Variants in RNF24 observed in about 807,000 individuals in gnomAD.
RNF24 encodes ring finger protein 24.
RNF24 carries 14 observed loss-of-function variants against 20.0 expected under a neutral mutation model. The observed-to-expected ratio is 0.70, with a 90% CI of 0.46 to 1.10. RNF24 has a LOEUF of 1.10. Among genes scored for constraint, RNF24 ranks in the 50% least tolerant of loss-of-function variants. RNF24 has a pLI of 0.00. For missense variants in RNF24, 124 were observed against 177.6 expected, an observed-to-expected ratio of 0.70 and a Z score of 1.71; for synonymous variants, 45 against 61.1, an observed-to-expected ratio of 0.74 and a Z score of 1.23.
intron 1 of RNF24, among the ~76,000 whole-genome samples, chr20:4,001,644 A>G (rs896222930): frequency 6.6e-6 from 1 of 152,164 alleles, no homozygotes; most frequent in Non-Finnish European, 1.5e-5. Context: ...GTCACCAAAG[A>G]ACAAAGTTTC....
intron 1 of RNF24, among the ~76,000 whole-genome samples, chr20:4,003,114 C>T (rs1462619915): frequency 2.0e-5 from 3 of 152,224 alleles, no homozygotes; most frequent in Non-Finnish European, 4.4e-5. Flanking sequence ...GGATTATAGG[C>T]GCCTGCCACG....
At chr20:4,004,778 T>C (rs1281941735) in intron 1 of RNF24, among the ~76,000 whole-genome samples, 1 of 152,188 alleles carries the variant, frequency 6.6e-6, no homozygotes, top group East Asian at 1.9e-4. Context: ...AAAGAACAAC[T>C]TTCTGTTGTT....
chr20:3,980,730 G>A (rs115811865), intron 1 of RNF24, among the ~76,000 whole-genome samples: 1,547 of 152,196 alleles, frequency 0.01, 17 homozygotes, highest in African/African-American at 0.035. Flanking sequence ...ATAAACTCAA[G>A]GCCTCTGGAC....
rs972794260 is a variant in RNF24 at position 3,932,411 on chromosome 20, A to G, written c.*1652T>C. 6.6e-6 allele frequency: 1 copy of G among 152,618 alleles called. No individual in the cohort carries two copies. The highest frequency in any genetic ancestry group is 1.5e-5 in the Non-Finnish European group (1 of 68,338). The allele number at this position is 152,618 out of a possible 1,614,324, so 9.5% of individuals were successfully genotyped here. On this transcript the variant is annotated 3_prime_UTR_variant, in exon 6 of 6. Transcript: ENST00000358395. ...TTGGCATACCACGAATAGGTCACAC[A>G]TAGGAAATGGCCTATTTTGACCAAC... is the stretch of plus-strand genomic sequence containing the variant.
At position 3,942,040 on chromosome 20, in the gene RNF24, C is replaced by T. The variant is rs558932750; in HGVS notation, c.228+3137G>A. Among the ~76,000 whole-genome samples the T allele has an allele frequency of 9.7e-4, 144 of 148,698 alleles. 1 individual carries two copies. The highest frequency in any genetic ancestry group is 3.5e-3 in the African/African-American group (139 of 40,106). On this transcript the variant is annotated intron_variant, in intron 4 of 5. Coordinates refer to ENST00000358395, the MANE Select transcript of RNF24 (RefSeq NM_001134337.3). Reference sequence around the variant, plus strand: ...AGTGAGCCAAGATTGTACCACTGCACTCCAGCCTGGGCAGTAGAGCTAGAC... The same window carrying T: ...AGTGAGCCAAGATTGTACCACTGCATTCCAGCCTGGGCAGTAGAGCTAGAC...
At chr20:3,991,388 G>A (rs1980428357) in intron 1 of RNF24, among the ~76,000 whole-genome samples, 1 of 151,762 alleles carries the variant, frequency 6.6e-6, no homozygotes, top group African/African-American at 2.4e-5. Flanking sequence ...AGCAGCTTGG[G>A]ACTACAGGCA....
intron 1 of RNF24, among the ~76,000 whole-genome samples, chr20:3,971,110 C>A (rs188417392): frequency 1.7e-3 from 255 of 151,936 alleles, no homozygotes; most frequent in Admixed American, 3.5e-3. Context: ...TGAGTTAAAA[C>A]AACACTAAAA....
At chr20:3,956,349 A>T (rs2091142793) in intron 2 of RNF24, among the ~76,000 whole-genome samples, 1 of 151,652 alleles carries the variant, frequency 6.6e-6, no homozygotes, top group South Asian at 2.1e-4. Flanking sequence ...TTCACCCAAA[A>T]TTTCAAGTTT....
At chr20:3,973,445 C>T (rs1978549902) in intron 1 of RNF24, among the ~76,000 whole-genome samples, 1 of 128,956 alleles carries the variant, frequency 7.8e-6, no homozygotes, top group African/African-American at 2.9e-5. Flanking sequence ...AAACAAAAAG[C>T]TGAGTCTTTT....
In RNF24 at chr20:3,927,442, A is replaced by T. The variant is rs1028702504; in HGVS notation, c.*6621T>A. On this transcript the variant is annotated 3_prime_UTR_variant, in exon 6 of 6. Transcript: ENST00000358395. ...TATACAAAAATATAGCTTACAAAAA[A>T]CTGCGAATGTTTAAAAATATTCTGC... The T allele has an allele frequency of 6.6e-6, 1 of 152,218 alleles. No individual in the cohort carries two copies. Among genetic ancestry groups the T allele is most frequent in the African/African-American group, 2.4e-5 (1 of 41,454 alleles). The allele number at this position is 152,218 out of a possible 1,614,324, so 9.4% of individuals were successfully genotyped here. A position where few individuals can be genotyped will look rare whatever the true frequency, so the allele number is the denominator to read the frequency against.
chr20:3,949,692 AT>A (rs927621802), intron 2 of RNF24, among the ~76,000 whole-genome samples: 2 of 152,182 alleles, frequency 1.3e-5, no homozygotes, highest in African/African-American at 4.8e-5. Flanking sequence ...ATAAAAAAAA[AT>A]AAAGTACTCA....
chr20:4,008,350 T>C (rs1397482819), intron 1 of RNF24, among the ~76,000 whole-genome samples: 1 of 33,666 alleles, frequency 3.0e-5, no homozygotes, highest in Non-Finnish European at 6.2e-5. Context: ...ATTATACATG[T>C]AATATGTATA....
intron 4 of RNF24, among the ~76,000 whole-genome samples, chr20:3,935,873 C>G (rs2090884654): frequency 6.6e-6 from 1 of 152,180 alleles, no homozygotes; most frequent in African/African-American, 2.4e-5. Context: ...CCAGGCCTGG[C>G]TGGGACCCAG....
At chr20:3,976,274 G>A (rs1978860088) in intron 1 of RNF24, among the ~76,000 whole-genome samples, 1 of 152,148 alleles carries the variant, frequency 6.6e-6, no homozygotes. Flanking sequence ...ATAAACGTAT[G>A]TTCAAAATCA....
chr20:3,986,853 G>A (rs1421081463), intron 1 of RNF24, among the ~76,000 whole-genome samples: 3 of 152,060 alleles, frequency 2.0e-5, no homozygotes, highest in East Asian at 1.9e-4. Context: ...GTTTCGCCAT[G>A]TTAGCCAGGA....
At chr20:3,948,744 T>C (rs1174677631) in intron 2 of RNF24, among the ~76,000 whole-genome samples, 1 of 152,190 alleles carries the variant, frequency 6.6e-6, no homozygotes, top group African/African-American at 2.4e-5. Context: ...GAGGTAGCAC[T>C]ATCCTGATTT....
In RNF24 at chr20:3,932,914, T is replaced by C; in HGVS notation, c.*1149A>G. The C allele has an allele frequency of 2.5e-6, 1 of 398,584 alleles. No individual in the cohort carries two copies. Among genetic ancestry groups the C allele is most frequent in the East Asian group, 3.6e-5 (1 of 28,078 alleles). 24.7% of individuals were successfully genotyped at this position (398,584 alleles called of 1,614,324 possible). A position where few individuals can be genotyped will look rare whatever the true frequency, so the allele number is the denominator to read the frequency against. ...CCTATAAAGACACTTTCACTTTCAG[T>C]TTCGGAAGTCCAAATACTGAGGCAC... is the stretch of plus-strand genomic sequence containing the variant. On this transcript the variant is annotated 3_prime_UTR_variant, in exon 6 of 6. Transcript: ENST00000358395.
intron 1 of RNF24, among the ~76,000 whole-genome samples, chr20:3,968,623 G>C (rs938695154): frequency 6.6e-5 from 10 of 152,144 alleles, no homozygotes; most frequent in African/African-American, 2.4e-4. Context: ...CTCTAAAAGA[G>C]AAAGCTTTTG....
At chr20:3,999,662 G>A (rs6107388) in intron 1 of RNF24, among the ~76,000 whole-genome samples, 2,066 of 152,274 alleles carry the variant, frequency 0.014, 58 homozygotes, top group African/African-American at 0.048. Flanking sequence ...GCTGAGGCAG[G>A]AGAATCACTT....
Sources: allele counts gnomAD v4.1 joint callset (sites outside exome capture counted in the v4.1 genomes callset), GRCh38; gene constraint gnomAD v4.1.1; transcripts MANE v1.5; gene names NCBI Gene and HGNC (gene_info 2026-07-23, HGNC 2026-07-21).